Variants in PARP3 observed in about 807,000 individuals in gnomAD.
PARP3 encodes protein mono-ADP-ribosyltransferase PARP3.
PARP3 carries 46 observed loss-of-function variants against 58.2 expected under a neutral mutation model. The observed-to-expected ratio is 0.79, with a 90% confidence interval of 0.62 to 1.01. The LOEUF (loss-of-function observed/expected upper bound fraction) is 1.01, where lower values mean the gene tolerates loss of function less well. Among genes scored for constraint, PARP3 ranks in the 50% least tolerant of loss-of-function variants. The pLI is 0.00. For missense variants in PARP3, 663 were observed against 683.9 expected (o/e 0.97, Z 0.34); for synonymous variants, 252 against 266.4 (o/e 0.95, Z 0.53).
intron 2 of PARP3, 91 bp from the exon 3 acceptor site, chr3:51,943,998 G>C: frequency 7.8e-7 from 1 of 1,280,522 alleles, no homozygotes; most frequent in Non-Finnish European, 1.1e-6. Flanking sequence ...ACTGCCGTCA[G>C]ACTCCTGTCC....
chr3:51,944,298 A>G lies in PARP3; in HGVS notation c.312+81A>G, dbSNP rs1417562138. ...TACTGACTTGGGGGGGCACCTCCCA[A>G]CTGTCCCAGGGCACTCAGCACAGGG... On this transcript the variant is annotated intron_variant, in intron 3 of 10. Coordinates refer to ENST00000398755, the MANE Select transcript of PARP3 (RefSeq NM_001003931.4). This position sits in a 1 kb window ranked among gnomAD's most constrained non-coding sequence, Gnocchi z 4.2. The G allele has an allele frequency of 5.6e-6, 9 of 1,606,228 alleles. No homozygotes were observed. The highest frequency in any genetic ancestry group is 2.7e-5 in the African/African-American group (2 of 74,674).
chr3:51,944,019 C>A lies in PARP3; in HGVS notation c.184-70C>A. 2.0e-6 allele frequency: 3 copies of A among 1,486,326 alleles called. No homozygotes were observed. The highest frequency in any genetic ancestry group is 2.8e-6 in the Non-Finnish European group (3 of 1,086,878). 92.1% of individuals were successfully genotyped at this position (1,486,326 alleles called of 1,614,324 possible). A position where few individuals can be genotyped will look rare whatever the true frequency, so the allele number is the denominator to read the frequency against. Reference sequence around the variant, plus strand: ...GTCAGACTCCTGTCCCCATCAGAGCCCTCTCGGTGTACGGCCAGGCACCCC... The same window carrying A: ...GTCAGACTCCTGTCCCCATCAGAGCACTCTCGGTGTACGGCCAGGCACCCC... On this transcript the variant is annotated intron_variant, in intron 2 of 10. Coordinates refer to ENST00000398755, the MANE Select transcript of PARP3 (RefSeq NM_001003931.4). This position sits in a 1 kb window ranked among gnomAD's most constrained non-coding sequence, Gnocchi z 4.2.
rs897696951 is a variant in PARP3 at position 51,942,886 on chromosome 3, C to T, written c.-3+178C>T. On this transcript the variant is annotated intron_variant, in intron 1 of 10. Transcript: ENST00000398755. ...AAGCTCCGGGAGGATAATCTGGCCC[C>T]AAGAATCCTGCCCCCAGGATCCTCT... 62 of 1,426,066 alleles carry T rather than the reference C, an allele frequency of 4.3e-5. No individual in the cohort carries two copies. In the African/African-American group the frequency reaches 8.7e-4, roughly 20 times the overall value. The allele number at this position is 1,426,066 out of a possible 1,614,324, so 88.3% of individuals were successfully genotyped here. A position where few individuals can be genotyped will look rare whatever the true frequency, so the allele number is the denominator to read the frequency against.
Position 51,944,779 on chromosome 3 carries a change from T to C in PARP3, c.503T>C (p.Val168Ala). The C allele has an allele frequency of 6.2e-7, 1 of 1,608,208 alleles. No individual in the cohort carries two copies. The highest frequency in any genetic ancestry group is 8.5e-7 in the Non-Finnish European group (1 of 1,177,444). Residue 168 changes from valine to alanine, a missense_variant and splice_region_variant, in exon 5 of 11, where the codon GTG becomes GCG. Transcript: ENST00000398755. The surrounding 1 kb of genome is among the most constrained non-coding windows in gnomAD (Gnocchi z 4.2). ...EDEAQEAVVK[V>A]DRGPVRTVTK... ...CCCACATGTGCCCTCTATCTTCAGGTGGACAGAGGCCCAGTGAGGACTGTG... is the reference window on the plus strand; with the variant it reads ...CCCACATGTGCCCTCTATCTTCAGGCGGACAGAGGCCCAGTGAGGACTGTG...
rs766208894 is a variant in PARP3, at chr3:51,945,038, G to C, written c.675G>C (p.Gln225His). 3 of 1,614,004 alleles carry C rather than the reference G, an allele frequency of 1.9e-6. No homozygotes were observed. Among genetic ancestry groups the C allele is most frequent in the Non-Finnish European group, 2.5e-6 (3 of 1,180,048 alleles). The change falls in exon 6 of 11, where the codon CAG (glutamine) becomes CAC (histidine). Residue 225 changes from glutamine to histidine, a missense_variant. Physicochemically the swap from Gln to His is conservative, Grantham distance 24 (BLOSUM62 0). This residue lies in a region of PARP3 where 567 missense variants were observed against 553.6 expected (regional missense o/e 1.02). Transcript: ENST00000398755. Reference protein sequence around the residue: ...KMPLGKLSKQQIARGFEALEA... With the variant: ...KMPLGKLSKQHIARGFEALEA... ...CCCTGGGAAAGCTGAGCAAGCAACA[G>C]ATTGCACGGGGTTTCGAGGCCTTGG...
intron 10 of PARP3, among the ~76,000 whole-genome samples, 182 bp downstream of exon 10, chr3:51,948,077 A>G (rs917489837): frequency 1.3e-5 from 2 of 152,216 alleles, no homozygotes; most frequent in African/African-American, 4.8e-5. Flanking sequence ...GGAGGGCTTC[A>G]AAAAGAGGAG....
At chr3:51,947,107 C>A (rs148322087) in intron 9 of PARP3, among the ~76,000 whole-genome samples, 2,545 of 152,186 alleles carry the variant, frequency 0.017, 43 homozygotes, top group Non-Finnish European at 0.026. Flanking sequence ...ATGAGAGGGG[C>A]ATGTAGGAGA....
chr3:51,943,991 G>T, intron 2 of PARP3, 98 bp from the exon 3 acceptor site: 1 of 1,177,024 alleles, frequency 8.5e-7, no homozygotes, highest in Non-Finnish European at 1.2e-6. Context: ...GACTCCCACT[G>T]CCGTCAGACT....
intron 1 of PARP3, 190 bp from the exon 2 acceptor site, chr3:51,943,164 C>T: frequency 2.1e-6 from 2 of 933,798 alleles, no homozygotes; most frequent in African/African-American, 1.7e-5. Flanking sequence ...TGACAAAGAG[C>T]TGGGTGTGGT....
intron 1 of PARP3, chr3:51,943,126 T>G: frequency 9.3e-7 from 1 of 1,073,682 alleles, no homozygotes; most frequent in Non-Finnish European, 1.3e-6. Context: ...ACCTTGCACT[T>G]GGGACTGGGG....
In PARP3 at chr3:51,942,534, G is replaced by A. The variant is rs887574765; in HGVS notation, c.-177G>A. On this transcript the variant is annotated 5_prime_UTR_variant, in exon 1 of 11. Transcript: ENST00000398755. ...TCACCCCACTGGTGGCCAAATAGCCGATGTCTAATCCCCCACACAAGCTCA... is the reference window on the plus strand; with the variant it reads ...TCACCCCACTGGTGGCCAAATAGCCAATGTCTAATCCCCCACACAAGCTCA... The A allele has an allele frequency of 4.2e-6, 3 of 709,116 alleles. No individual in the cohort carries two copies. The highest frequency in any genetic ancestry group is 7.9e-6 in the Non-Finnish European group (3 of 382,066). 43.9% of individuals were successfully genotyped at this position (709,116 alleles called of 1,614,324 possible).
At position 51,942,535 on chromosome 3, in the gene PARP3, A is replaced by T; in HGVS notation, c.-176A>T. 1 of 709,922 alleles carries T rather than the reference A, an allele frequency of 1.4e-6. No individual in the cohort carries two copies. The highest frequency in any genetic ancestry group is 1.5e-5 in the South Asian group (1 of 66,064). 44.0% of individuals were successfully genotyped at this position (709,922 alleles called of 1,614,324 possible). A position where few individuals can be genotyped will look rare whatever the true frequency, so the allele number is the denominator to read the frequency against. ...CACCCCACTGGTGGCCAAATAGCCG[A>T]TGTCTAATCCCCCACACAAGCTCAT... On this transcript the variant is annotated 5_prime_UTR_variant, in exon 1 of 11. It removes an upstream start codon present in the reference 5' UTR. Transcript: ENST00000398755.
At position 51,944,161 on chromosome 3, in the gene PARP3, C is replaced by G; in HGVS notation, c.256C>G (p.Gln86Glu). 6.2e-7 allele frequency: 1 copy of G among 1,614,030 alleles called. No individual in the cohort carries two copies. ...CAACAACAACAAGTTCTACATCATC[C>G]AGCTGCTCCAAGACAGCAACCGCTT... The part of the protein sequence containing the change: ...ENNNNKFYII[Q>E]LLQDSNRFFT... Residue 86 changes from glutamine (Q) to glutamate (E), a missense_variant, in exon 3 of 11, where the codon CAG (glutamine) becomes GAG (glutamate). Around this residue, in one of 3 missense-constraint regions of PARP3, gnomAD observed 567 missense variants for 553.6 expected, o/e 1.02. Coordinates refer to ENST00000398755, the MANE Select transcript of PARP3 (RefSeq NM_001003931.4). This position sits in a 1 kb window ranked among gnomAD's most constrained non-coding sequence, Gnocchi z 4.2.
chr3:51,945,013 C>T lies in PARP3; in HGVS notation c.650C>T (p.Pro217Leu). Residue 217 changes from proline (P) to leucine (L), a missense_variant, in exon 6 of 11, where the codon CCC becomes CTC. Transcript: ENST00000398755. ...GTCCCCCTAGATGTGAAGAAGATGC[C>T]CCTGGGAAAGCTGAGCAAGCAACAG... ...ALMDLDVKKM[P>L]LGKLSKQQIA... is the part of the protein sequence containing the mutation. 6.2e-7 allele frequency: 1 copy of T among 1,613,886 alleles called. No homozygotes were observed. Among genetic ancestry groups the T allele is most frequent in the African/African-American group, 1.3e-5 (1 of 74,996 alleles).
At chr3:51,945,407 G>A (rs1227835434) in intron 6 of PARP3, 88 bp from the exon 7 acceptor site, 11 of 1,481,502 alleles carry the variant, frequency 7.4e-6, no homozygotes, top group Admixed American at 2.0e-5. Context: ...CACACAGGTG[G>A]GGTGGCTACA....
At position 51,942,466 on chromosome 3, in the gene PARP3, C is replaced by T. The variant is rs1352223273; in HGVS notation, c.-245C>T. Reference sequence around the variant, plus strand: ...TATGCCAGATCGAGTGTCCACCCGTCCGTGGGACTGGTCGCCTGACTCGGC... The same window carrying T: ...TATGCCAGATCGAGTGTCCACCCGTTCGTGGGACTGGTCGCCTGACTCGGC... On this transcript the variant is annotated 5_prime_UTR_variant, in exon 1 of 11. Transcript: ENST00000398755. 9 of 636,482 alleles carry T rather than the reference C, an allele frequency of 1.4e-5. No homozygotes were observed. Among genetic ancestry groups the T allele is most frequent in the Non-Finnish European group, 2.6e-5 (9 of 347,910 alleles). 39.4% of individuals were successfully genotyped at this position (636,482 alleles called of 1,614,324 possible).
intron 2 of PARP3, 21 bp downstream of exon 2, chr3:51,943,559 A>G: frequency 6.3e-7 from 1 of 1,598,512 alleles, no homozygotes; most frequent in Non-Finnish European, 8.5e-7. Flanking sequence ...GTCCCCAGTC[A>G]GGCCCAGAGC....
In PARP3 at chr3:51,944,228, T is replaced by C. The variant is rs754222041; in HGVS notation, c.312+11T>C. The C allele has an allele frequency of 6.2e-7, 1 of 1,613,932 alleles. No individual in the cohort carries two copies. Among genetic ancestry groups the C allele is most frequent in the Non-Finnish European group, 8.5e-7 (1 of 1,179,960 alleles). On this transcript the variant is annotated intron_variant, in intron 3 of 10. Coordinates refer to ENST00000398755, the MANE Select transcript of PARP3 (RefSeq NM_001003931.4). The surrounding 1 kb of genome is among the most constrained non-coding windows in gnomAD (Gnocchi z 4.2). ...CGCTGGGGCCGTGTGGTGAGTGCCC[T>C]GCCTGCTCTGCACATACTCCCCAGG...
In PARP3 at chr3:51,948,339, G is replaced by A. The variant is rs1188324633; in HGVS notation, c.1461G>A (p.Leu487=). The A allele has an allele frequency of 6.2e-7, 1 of 1,613,950 alleles. No individual in the cohort carries two copies. The highest frequency in any genetic ancestry group is 8.5e-7 in the Non-Finnish European group (1 of 1,179,864). ...PDPTQDTELE[L]DGQQVVVPQG... ...CGACCCAGGACACTGAGTTGGAGCT[G>A]GATGGCCAGCAAGTGGTGGTGCCCC... The change falls in exon 11 of 11, where the codon CTG becomes CTA. Residue 487 remains leucine, a synonymous_variant. Transcript: ENST00000398755.
Sources: gnomAD v4.1 joint callset for allele counts (sites outside exome capture counted in the v4.1 genomes callset) on GRCh38, gnomAD v4.1.1 for gene constraint, gnomAD v4.1.1 regional missense constraint, Gnocchi (gnomAD v3.1) non-coding constraint, MANE v1.5 for transcripts, NCBI Gene and HGNC (gene_info 2026-07-23, HGNC 2026-07-21) for gene names.